The following EDDM13 variants were observed in gnomAD, a reference collection of about 807,000 sequenced individuals.
EDDM13 encodes epididymal protein 13.
EDDM13 carries 24 observed loss-of-function variants against 17.8 expected under a neutral mutation model. The observed-to-expected ratio is 1.35, with a 90% CI of 0.98 to 1.90. The LOEUF is 1.90. Ranked by LOEUF, EDDM13 falls within the 40% of genes most tolerant of loss-of-function variation. The pLI is 0.00. For synonymous variants in EDDM13, 31 were observed against 37.5 expected, an observed-to-expected ratio of 0.83 and a Z score of 0.63; for missense variants, 97 against 100.8, an observed-to-expected ratio of 0.96 and a Z score of 0.16.
rs146714694 is a variant in EDDM13 at position 56,302,961 on chromosome 19, G to A, written c.423+866G>A. ...CATCCACAGAGAGAACCAGATCACC[G>A]AGTGGTAGCACTTCATGAGCAGGTG... is the stretch of plus-strand genomic sequence containing the variant. On this transcript the variant is annotated intron_variant, in intron 13 of 14. Transcript: ENST00000649256. 1.8e-3 allele frequency: 712 copies of A among 398,156 alleles called. 3 individuals carry two copies. The highest frequency in any genetic ancestry group is 5.4e-3 in the African/African-American group (263 of 48,698). The allele number at this position is 398,156 out of a possible 1,614,324, so 24.7% of individuals were successfully genotyped here. A position where few individuals can be genotyped will look rare whatever the true frequency, so the allele number is the denominator to read the frequency against.
At chr19:56,308,094 C>T (rs565623147) in intron 14 of EDDM13, among the ~76,000 whole-genome samples, 2 of 152,370 alleles carry the variant, frequency 1.3e-5, no homozygotes, top group South Asian at 2.1e-4. Flanking sequence ...AGCGCAGTGG[C>T]GCAATCTTGG....
chr19:56,293,511 C>G (rs2039655362), intron 9 of EDDM13, among the ~76,000 whole-genome samples: 1 of 152,118 alleles, frequency 6.6e-6, no homozygotes, highest in South Asian at 2.1e-4. Flanking sequence ...GAAAGAGGAA[C>G]TGGCAGAGAG....
At chr19:56,307,510 T>C (rs1600251639) in intron 14 of EDDM13, among the ~76,000 whole-genome samples, 1 of 152,250 alleles carries the variant, frequency 6.6e-6, no homozygotes, top group East Asian at 1.9e-4. Flanking sequence ...TTACTTATTA[T>C]GAAGTGAGGT....
At chr19:56,285,375 A>G (rs2039028742) in intron 6 of EDDM13, among the ~76,000 whole-genome samples, 1 of 152,188 alleles carries the variant, frequency 6.6e-6, no homozygotes, top group Non-Finnish European at 1.5e-5. Context: ...TCTCACGTGT[A>G]TTCTCCCCAG....
At chr19:56,294,143 G>A (rs1397952455) in intron 9 of EDDM13, among the ~76,000 whole-genome samples, 1 of 152,188 alleles carries the variant, frequency 6.6e-6, no homozygotes, top group South Asian at 2.1e-4. Context: ...GGGCCCACCA[G>A]GTGCCAAGCA....
At chr19:56,296,831 C>T (rs1437814278) in intron 11 of EDDM13, among the ~76,000 whole-genome samples, 1 of 151,992 alleles carries the variant, frequency 6.6e-6, no homozygotes, top group Non-Finnish European at 1.5e-5. Flanking sequence ...GTCAGAAGTT[C>T]GAGACCAGCC....
chr19:56,295,387 A>C (rs1294410165), intron 9 of EDDM13, among the ~76,000 whole-genome samples: 3 of 152,056 alleles, frequency 2.0e-5, no homozygotes, highest in Non-Finnish European at 4.4e-5. Context: ...TCAGGTCAGG[A>C]GTTCTAGACC....
intron 2 of EDDM13, among the ~76,000 whole-genome samples, chr19:56,276,980 T>TA (rs1267638525): frequency 6.6e-6 from 1 of 152,068 alleles, no homozygotes; most frequent in Non-Finnish European, 1.5e-5. Context: ...AATAAGCACA[T>TA]AAAAAGATGC....
intron 6 of EDDM13, among the ~76,000 whole-genome samples, chr19:56,287,515 A>T (rs2039215866): frequency 6.6e-6 from 1 of 152,048 alleles, no homozygotes; most frequent in African/African-American, 2.4e-5. Flanking sequence ...CTAACCCATA[A>T]ATATCAGCCC....
chr19:56,309,530 C>T (rs1211948985), intron 14 of EDDM13, among the ~76,000 whole-genome samples: 1 of 152,224 alleles, frequency 6.6e-6, no homozygotes, highest in Non-Finnish European at 1.5e-5. Context: ...GCAGTTGGCC[C>T]TGCGGAACAC....
chr19:56,292,685 C>A (rs1434708777), intron 9 of EDDM13, among the ~76,000 whole-genome samples: 1 of 151,648 alleles, frequency 6.6e-6, no homozygotes, highest in Non-Finnish European at 1.5e-5. Flanking sequence ...CACTGCCCCA[C>A]CAAAAAAAAA....
At chr19:56,302,955 A>G in intron 13 of EDDM13, 1 of 398,196 alleles carries the variant, frequency 2.5e-6, no homozygotes, top group East Asian at 3.6e-5. Flanking sequence ...AGAGAACCAG[A>G]TCACCGAGTG....
intron 9 of EDDM13, among the ~76,000 whole-genome samples, chr19:56,295,519 C>T (rs934602267): frequency 3.9e-5 from 6 of 152,110 alleles, no homozygotes; most frequent in East Asian, 3.9e-4. Flanking sequence ...CGCTTGAACC[C>T]GGGAGGCAGA....
chr19:56,287,465 A>G lies in EDDM13; in HGVS notation c.155-920A>G, dbSNP rs147799003. ...CAGTCTTCTCCTTTTAACAAGCACA[A>G]TAATTCAGTTCTCCCCCACTCCCAT... is the stretch of plus-strand genomic sequence containing the variant. On this transcript the variant is annotated intron_variant, in intron 6 of 14. Coordinates refer to ENST00000649256, the MANE Select transcript of EDDM13 (RefSeq NM_001354658.2). Among the ~76,000 whole-genome samples the G allele has an allele frequency of 1.2e-4, 18 of 152,238 alleles. No individual in the cohort carries two copies. The East Asian group carries it at 3.5e-3, about 29-fold the overall frequency.
intron 2 of EDDM13, among the ~76,000 whole-genome samples, chr19:56,280,103 G>T (rs569724756): frequency 3.0e-4 from 46 of 152,210 alleles, no homozygotes; most frequent in African/African-American, 1.1e-3. Flanking sequence ...TCCTTCCAGA[G>T]ATATTTTATG....
chr19:56,274,063 C>G (rs1201084586), intron 1 of EDDM13, among the ~76,000 whole-genome samples: 1 of 152,122 alleles, frequency 6.6e-6, no homozygotes, highest in Non-Finnish European at 1.5e-5. Flanking sequence ...GGGTCAGATG[C>G]TGGTGGTTGG....
At chr19:56,273,328 C>A (rs780865746) in intron 1 of EDDM13, among the ~76,000 whole-genome samples, 8 of 152,160 alleles carry the variant, frequency 5.3e-5, no homozygotes, top group Non-Finnish European at 1.0e-4. Context: ...CAGACTTTTG[C>A]GACGTAAAGA....
Position 56,272,883 on chromosome 19 carries a change from T to C in EDDM13, c.49T>C (p.Phe17Leu), listed in dbSNP as rs1158206118. 1.0e-6 allele frequency: 1 copy of C among 985,312 alleles called. No individual in the cohort carries two copies. Among genetic ancestry groups the C allele is most frequent in the African/African-American group, 1.7e-5 (1 of 57,232 alleles). The allele number at this position is 985,312 out of a possible 1,614,324, so 61.0% of individuals were successfully genotyped here. Residue 17 changes from phenylalanine to leucine, a missense_variant, in exon 1 of 15, where the codon TTC becomes CTC. Coordinates refer to ENST00000649256, the MANE Select transcript of EDDM13 (RefSeq NM_001354658.2). ...GAAAATGTCGCTGCTGATTCTGCTT[T>C]TCCTGGGATTGGCAGAAGCCTGTAC... ...FLKMSLLILL[F>L]LGLAEACTPR...
chr19:56,302,554 TC>T (rs1322894740), intron 13 of EDDM13, among the ~76,000 whole-genome samples: 10 of 47,264 alleles, frequency 2.1e-4, no homozygotes, highest in Admixed American at 5.7e-4. Flanking sequence ...CGTTCCTCCC[TC>T]CCTCCCCCCT....
Sources: allele counts gnomAD v4.1 joint callset (sites outside exome capture counted in the v4.1 genomes callset), GRCh38; gene constraint gnomAD v4.1.1; transcripts MANE v1.5; gene names NCBI Gene and HGNC (gene_info 2026-07-23, HGNC 2026-07-21).